Variants in C8orf89 observed in about 807,000 individuals in gnomAD.
C8orf89 encodes the protein chromosome 8 open reading frame 89.
In C8orf89, 14 loss-of-function variants were observed where a neutral mutation model predicts 15.8. The observed-to-expected ratio is 0.89, with a 90% confidence interval of 0.59 to 1.39. C8orf89 has a LOEUF of 1.39. Among genes scored for constraint, C8orf89 ranks in the 40% most tolerant of loss-of-function variants. The pLI is 0.00. For missense variants in C8orf89, 181 were observed against 184.5 expected, an observed-to-expected ratio of 0.98 and a Z score of 0.11; for synonymous variants, 55 against 62.2, an observed-to-expected ratio of 0.88 and a Z score of 0.54.
At chr8:73,285,434 G>C in the C8orf89 span, among the ~76,000 whole-genome samples, 1 of 152,206 alleles carries the variant, frequency 6.6e-6, no homozygotes, top group African/African-American at 2.4e-5. Flanking sequence ...AGTGCATCTA[G>C]AGCATCCTCG....
the C8orf89 span, among the ~76,000 whole-genome samples, chr8:73,270,543 T>C: frequency 1.3e-5 from 2 of 152,134 alleles, no homozygotes; most frequent in African/African-American, 2.4e-5. Context: ...AAATTATCTT[T>C]CAGGAAGGAG....
chr8:73,258,019 C>A (rs1813438926), intron 1 of C8orf89, among the ~76,000 whole-genome samples: 1 of 152,054 alleles, frequency 6.6e-6, no homozygotes, highest in Non-Finnish European at 1.5e-5. Context: ...GTCTGAGTAC[C>A]TTTAATGGAA....
At chr8:73,249,132 A>T (rs1813191977) in intron 3 of C8orf89, among the ~76,000 whole-genome samples, 1 of 152,118 alleles carries the variant, frequency 6.6e-6, no homozygotes, top group Non-Finnish European at 1.5e-5. Flanking sequence ...TTAATAGGAA[A>T]GGTGTTGAAT....
intron 2 of C8orf89, among the ~76,000 whole-genome samples, chr8:73,255,919 T>C (rs1331081821): frequency 1.5e-5 from 2 of 132,528 alleles, no homozygotes; most frequent in Non-Finnish European, 3.1e-5. Flanking sequence ...TGAGAACACA[T>C]GGACACAGGA....
chr8:73,271,972 G>T, the C8orf89 span, among the ~76,000 whole-genome samples: 189 of 152,280 alleles, frequency 1.2e-3, 1 homozygote, highest in African/African-American at 4.1e-3. Flanking sequence ...CTTCATTTCA[G>T]ACCACAGTAA....
chr8:73,250,204 T>TA, intron 3 of C8orf89, 64 bp downstream of exon 3: 1 of 1,001,770 alleles, frequency 1.0e-6, no homozygotes, highest in Non-Finnish European at 1.5e-6. Flanking sequence ...GGAATTTTTT[T>TA]TAAAAAAAGA....
the C8orf89 span, among the ~76,000 whole-genome samples, chr8:73,267,379 A>G: frequency 6.4e-4 from 97 of 152,244 alleles, no homozygotes; most frequent in Admixed American, 1.2e-3. Context: ...TGGATAACTG[A>G]AACCAGAAAC....
At chr8:73,266,195 G>A in the C8orf89 span, among the ~76,000 whole-genome samples, 5 of 152,336 alleles carry the variant, frequency 3.3e-5, no homozygotes, top group East Asian at 9.6e-4. Context: ...GAGGGAGACA[G>A]AAGAGTGAAA....
intron 2 of C8orf89, among the ~76,000 whole-genome samples, chr8:73,252,149 C>T (rs1192020464): frequency 6.6e-6 from 1 of 152,102 alleles, no homozygotes; most frequent in African/African-American, 2.4e-5. Flanking sequence ...ATTTTTATAG[C>T]TTGAAAATCT....
chr8:73,242,829 G>A (rs182853658), intron 3 of C8orf89, among the ~76,000 whole-genome samples: 106 of 152,214 alleles, frequency 7.0e-4, no homozygotes, highest in African/African-American at 2.2e-3. Flanking sequence ...AAGGGAAATC[G>A]GTATATCAAA....
the C8orf89 span, among the ~76,000 whole-genome samples, chr8:73,274,772 A>C: frequency 6.6e-6 from 1 of 152,196 alleles, no homozygotes; most frequent in African/African-American, 2.4e-5. Flanking sequence ...TTGATATCTT[A>C]TTAGTTTTAC....
At chr8:73,250,647 T>C (rs1586163298) in intron 2 of C8orf89, among the ~76,000 whole-genome samples, 1 of 152,224 alleles carries the variant, frequency 6.6e-6, no homozygotes, top group Non-Finnish European at 1.5e-5. Context: ...TCACTTTTTT[T>C]GTACACTTTT....
chr8:73,260,442 A>G (rs2925453), upstream of C8orf89, among the ~76,000 whole-genome samples: 113,530 of 151,874 alleles, frequency 0.75, 42,644 homozygotes, highest in East Asian at 0.81. Context: ...TGTAAATGAC[A>G]AGTTAATGGG....
chr8:73,267,145 G>A, the C8orf89 span, among the ~76,000 whole-genome samples: 2 of 152,168 alleles, frequency 1.3e-5, no homozygotes, highest in Non-Finnish European at 2.9e-5. Flanking sequence ...CTTCCAGTGT[G>A]TGCCTGAAAC....
At chr8:73,243,186 A>G (rs1163969613) in intron 3 of C8orf89, among the ~76,000 whole-genome samples, 1 of 152,172 alleles carries the variant, frequency 6.6e-6, no homozygotes, top group Non-Finnish European at 1.5e-5. Context: ...ATGCGGGGGA[A>G]GTGGGGATGG....
chr8:73,264,828 G>T, the C8orf89 span, among the ~76,000 whole-genome samples: 3 of 152,176 alleles, frequency 2.0e-5, no homozygotes, highest in African/African-American at 7.2e-5. Flanking sequence ...ATGGACCAGA[G>T]TAGCCACAGA....
chr8:73,277,761 A>G, the C8orf89 span: 3 of 742,026 alleles, frequency 4.0e-6, no homozygotes, highest in Non-Finnish European at 5.1e-6. Flanking sequence ...TAGGGAGGAC[A>G]GATCCGCAGC....
At chr8:73,280,619 C>G in the C8orf89 span, among the ~76,000 whole-genome samples, 1 of 151,980 alleles carries the variant, frequency 6.6e-6, no homozygotes, top group Non-Finnish European at 1.5e-5. Context: ...GGTAATCCAC[C>G]CACCTCGTCC....
chr8:73,282,820 T>C, the C8orf89 span, among the ~76,000 whole-genome samples: 2 of 152,078 alleles, frequency 1.3e-5, no homozygotes. Flanking sequence ...ATTTGGGAGA[T>C]TCAGCAGAGA....
Sources: allele counts gnomAD v4.1 joint callset (sites outside exome capture counted in the v4.1 genomes callset), GRCh38; gene constraint gnomAD v4.1.1; transcripts MANE v1.5; gene names NCBI Gene and HGNC (gene_info 2026-07-23, HGNC 2026-07-21).